Variants in PCP4 observed in about 807,000 individuals in gnomAD.
PCP4 encodes Purkinje cell protein 4, also known as calmodulin regulator protein PCP4.
PCP4 carries 8 observed loss-of-function variants against 10.0 expected under a neutral mutation model. The ratio of observed to expected loss-of-function variants is 0.80; its 90% CI spans 0.47 to 1.45. PCP4 has a LOEUF of 1.45. Ranked by LOEUF, PCP4 falls within the 40% of genes most tolerant of loss-of-function variation. PCP4 has a pLI of 0.00. For synonymous variants in PCP4, 21 were observed against 23.0 expected (o/e 0.91, Z 0.24); for missense variants, 54 against 74.4 (o/e 0.73, Z 1.01).
intron 1 of PCP4, among the ~76,000 whole-genome samples, chr21:39,877,785 G>A (rs2087353449): frequency 6.6e-6 from 1 of 152,158 alleles, no homozygotes; most frequent in South Asian, 2.1e-4. Context: ...GCCTGGTAGT[G>A]TTCTTGACTT....
chr21:39,877,811 CA>C (rs1413055771), intron 1 of PCP4, among the ~76,000 whole-genome samples: 1 of 152,198 alleles, frequency 6.6e-6, no homozygotes, highest in Non-Finnish European at 1.5e-5. Flanking sequence ...TTATACCAAT[CA>C]CCTTTATGCC....
At chr21:39,869,810 G>A (rs1243761339) in intron 1 of PCP4, among the ~76,000 whole-genome samples, 1 of 152,228 alleles carries the variant, frequency 6.6e-6, no homozygotes, top group Non-Finnish European at 1.5e-5. Context: ...AATTAAATGT[G>A]GCTCCTAGTT....
intron 2 of PCP4, among the ~76,000 whole-genome samples, chr21:39,907,620 A>G (rs946283382): frequency 3.3e-5 from 5 of 152,050 alleles, no homozygotes; most frequent in Non-Finnish European, 5.9e-5. Context: ...ACATGGTGAA[A>G]CTCCATCTCT....
In PCP4 at chr21:39,929,150, T is replaced by A; in HGVS notation, c.*39T>A. 2 of 1,582,730 alleles carry A rather than the reference T, an allele frequency of 1.3e-6. No individual in the cohort carries two copies. Among genetic ancestry groups the A allele is most frequent in the Non-Finnish European group, 1.7e-6 (2 of 1,162,478 alleles). ...TCCTAGTCCACCTGAAAACACCAAATTCAACCATCATCTGTCAAGAAATTA... is the reference window on the plus strand; with the variant it reads ...TCCTAGTCCACCTGAAAACACCAAAATCAACCATCATCTGTCAAGAAATTA... On this transcript the variant is annotated 3_prime_UTR_variant, in exon 3 of 3. Transcript: ENST00000328619.
At chr21:39,884,203 G>A (rs1426593389) in intron 1 of PCP4, among the ~76,000 whole-genome samples, 5 of 151,414 alleles carry the variant, frequency 3.3e-5, no homozygotes, top group Non-Finnish European at 7.4e-5. Flanking sequence ...TTGAGAGATG[G>A]AATTTCTCTT....
At chr21:39,871,307 A>G (rs1230901017) in intron 1 of PCP4, among the ~76,000 whole-genome samples, 1 of 152,228 alleles carries the variant, frequency 6.6e-6, no homozygotes, top group Non-Finnish European at 1.5e-5. Context: ...CTAAGAAGAG[A>G]AAGATTATGG....
intron 1 of PCP4, among the ~76,000 whole-genome samples, chr21:39,885,654 G>A (rs903442743): frequency 1.3e-5 from 2 of 152,200 alleles, no homozygotes; most frequent in African/African-American, 2.4e-5. Flanking sequence ...CTGCGCTGAA[G>A]GAGATGCCCT....
intron 1 of PCP4, among the ~76,000 whole-genome samples, chr21:39,887,338 C>T (rs1403389206): frequency 2.0e-5 from 3 of 147,178 alleles, no homozygotes; most frequent in Non-Finnish European, 3.0e-5. Context: ...TTTTAACCAA[C>T]TTTTTTTTTG....
At chr21:39,909,250 C>A (rs114979330) in intron 2 of PCP4, among the ~76,000 whole-genome samples, 3 of 152,124 alleles carry the variant, frequency 2.0e-5, no homozygotes, top group Non-Finnish European at 4.4e-5. Flanking sequence ...GCATATTGAT[C>A]TGTTCTTTTA....
intron 1 of PCP4, among the ~76,000 whole-genome samples, chr21:39,887,958 T>A (rs1029158797): frequency 5.9e-5 from 9 of 152,354 alleles, no homozygotes; most frequent in East Asian, 3.9e-4. Flanking sequence ...TGAAACTTCA[T>A]GGTCCCCATG....
chr21:39,929,081 C>G lies in PCP4; in HGVS notation c.159C>G (p.Phe53Leu), dbSNP rs761973180. Residue 53 changes from phenylalanine (F) to leucine (L), a missense_variant, in exon 3 of 3, where the codon TTC becomes TTG. By Grantham distance (22) the Phe-to-Leu change is conservative. Coordinates refer to ENST00000328619, the MANE Select transcript of PCP4 (RefSeq NM_006198.3). ...AVAIQSQFRK[F>L]QKKKAGSQS is the part of the protein sequence containing the mutation. ...CCATTCAGTCTCAGTTCAGAAAATTCCAGAAGAAGAAGGCTGGGTCTCAGT... is the reference window on the plus strand; with the variant it reads ...CCATTCAGTCTCAGTTCAGAAAATTGCAGAAGAAGAAGGCTGGGTCTCAGT... The G allele has an allele frequency of 1.2e-6, 2 of 1,613,624 alleles. No homozygotes were observed. Among genetic ancestry groups the G allele is most frequent in the East Asian group, 4.5e-5 (2 of 44,816 alleles).
chr21:39,887,073 A>G (rs899025189), intron 1 of PCP4, among the ~76,000 whole-genome samples: 2 of 152,252 alleles, frequency 1.3e-5, no homozygotes, highest in African/African-American at 2.4e-5. Flanking sequence ...GCTGTGAAAA[A>G]AAGTATAAAA....
At chr21:39,874,830 G>A (rs919424966) in intron 1 of PCP4, among the ~76,000 whole-genome samples, 12 of 152,062 alleles carry the variant, frequency 7.9e-5, no homozygotes, top group African/African-American at 2.9e-4. Context: ...CTGAAAGTGT[G>A]GGTGGTACCG....
chr21:39,928,904 C>T, intron 2 of PCP4, 80 bp from the exon 3 acceptor site: 2 of 1,445,842 alleles, frequency 1.4e-6, no homozygotes, highest in South Asian at 1.3e-5. Context: ...GACTTCCTGG[C>T]TTCACTTATC....
intron 1 of PCP4, among the ~76,000 whole-genome samples, chr21:39,876,320 A>G (rs1341790514): frequency 1.3e-5 from 2 of 151,956 alleles, no homozygotes; most frequent in African/African-American, 4.8e-5. Context: ...TCTTACCTCT[A>G]TCAGTTTGAC....
intron 2 of PCP4, among the ~76,000 whole-genome samples, chr21:39,927,999 G>T (rs2087633095): frequency 6.6e-6 from 1 of 152,138 alleles, no homozygotes; most frequent in East Asian, 1.9e-4. Flanking sequence ...TGATGAATCT[G>T]ATGTTTAGCC....
At chr21:39,909,803 T>G (rs2146343863) in intron 2 of PCP4, among the ~76,000 whole-genome samples, 1 of 151,068 alleles carries the variant, frequency 6.6e-6, no homozygotes, top group Admixed American at 6.6e-5. Context: ...TTCTTTTCTT[T>G]TTTTTTTTTG....
chr21:39,927,369 C>T (rs1470082819), intron 2 of PCP4, among the ~76,000 whole-genome samples: 1,749 of 65,086 alleles, frequency 0.027, 26 homozygotes, highest in African/African-American at 0.046. Context: ...ATCTATCTAT[C>T]ATCTATCTAT....
At chr21:39,922,100 C>CCTCG (rs1442334039) in intron 2 of PCP4, among the ~76,000 whole-genome samples, 1 of 152,196 alleles carries the variant, frequency 6.6e-6, no homozygotes, top group Non-Finnish European at 1.5e-5. Context: ...GACCCTCCTG[C>CCTCG]CTCGGCCTCC....
Sources: allele counts gnomAD v4.1 joint callset (sites outside exome capture counted in the v4.1 genomes callset), GRCh38; gene constraint gnomAD v4.1.1; transcripts MANE v1.5; gene names NCBI Gene and HGNC (gene_info 2026-07-23, HGNC 2026-07-21).